MPHOSPH8: variants seen among roughly 807,000 people sequenced by gnomAD.
MPHOSPH8 encodes the protein M-phase phosphoprotein, mpp.
In MPHOSPH8, 45 loss-of-function variants were observed where a neutral mutation model predicts 87.3. The ratio of observed to expected loss-of-function variants is 0.52; its 90% CI spans 0.41 to 0.66. MPHOSPH8 has a LOEUF of 0.66. MPHOSPH8 is among the 30% of genes least tolerant of loss of function. MPHOSPH8 has a pLI of 0.00. For missense variants in MPHOSPH8, 883 were observed against 1,020.2 expected (o/e 0.87, Z 1.83); for synonymous variants, 366 against 376.9 (o/e 0.97, Z 0.33).
At chr13:19,635,051 GTAAT>G (rs1370714005) in intron 1 of MPHOSPH8, among the ~76,000 whole-genome samples, 2 of 152,192 alleles carry the variant, frequency 1.3e-5, no homozygotes, top group African/African-American at 2.4e-5. Flanking sequence ...GAGGAGTTAA[GTAAT>G]TAAGAGCTGA....
At chr13:19,663,918 A>C (rs986648589) in intron 9 of MPHOSPH8, among the ~76,000 whole-genome samples, 1 of 152,184 alleles carries the variant, frequency 6.6e-6, no homozygotes, top group Non-Finnish European at 1.5e-5. Context: ...CTGGGTCTGC[A>C]GGGCACCTGG....
chr13:19,642,811 T>TA (rs1874370024), intron 2 of MPHOSPH8, among the ~76,000 whole-genome samples: 1 of 152,228 alleles, frequency 6.6e-6, no homozygotes. Flanking sequence ...CTATGTTTTT[T>TA]AAAATACCTA....
At chr13:19,671,463 A>C (rs979866036) in intron 13 of MPHOSPH8, among the ~76,000 whole-genome samples, 174 bp downstream of exon 13, 3 of 151,702 alleles carry the variant, frequency 2.0e-5, no homozygotes, top group Non-Finnish European at 4.4e-5. Flanking sequence ...TGTTAGACAT[A>C]ATAATGCGGC....
In MPHOSPH8 at chr13:19,671,836, T is replaced by A. The variant is rs1288821351; in HGVS notation, c.2544T>A (p.Val848=). ...IRLTEAPSAK[V]KLLIGAYRVQ... ...CCTGCGTTCTTTTCTTTCAACAGGT[T>A]AAGTTGCTAATAGGTGCATACAGAG... Residue 848 remains valine (V), a splice_region_variant and synonymous_variant, in exon 14 of 14, where the codon GTT becomes GTA. Transcript: ENST00000361479. 1.2e-6 allele frequency: 2 copies of A among 1,614,148 alleles called. No individual in the cohort carries two copies.
chr13:19,633,988 CTGGGCGGGGA>C, intron 1 of MPHOSPH8, 27 bp downstream of exon 1: 1 of 1,591,028 alleles, frequency 6.3e-7, no homozygotes, highest in Non-Finnish European at 8.6e-7. Flanking sequence ...CGGCGCGGGG[CTGGGCGGGGA>C]GCTCCGGGCC....
In MPHOSPH8 at chr13:19,633,711, G is replaced by A. The variant is rs1566106962; in HGVS notation, c.-38G>A. 3 of 1,555,862 alleles carry A rather than the reference G, an allele frequency of 1.9e-6. No individual in the cohort carries two copies. Among genetic ancestry groups the A allele is most frequent in the South Asian group, 2.4e-5 (2 of 84,596 alleles). On this transcript the variant is annotated 5_prime_UTR_variant, in exon 1 of 14. Coordinates refer to ENST00000361479, the MANE Select transcript of MPHOSPH8 (RefSeq NM_017520.4). ...GCGAGGGGCTGCTGGGGTGTTTGTC[G>A]CAGCGGGTTTTCCTCGGCGGTTTGC...
At chr13:19,634,051 A>C (rs1355184561) in intron 1 of MPHOSPH8, 90 bp downstream of exon 1, 1 of 1,318,188 alleles carries the variant, frequency 7.6e-7, no homozygotes, top group Non-Finnish European at 1.1e-6. Flanking sequence ...GGCAGACCCA[A>C]AACAGGAGCG....
At chr13:19,634,636 C>CT (rs1411346783) in intron 1 of MPHOSPH8, among the ~76,000 whole-genome samples, 2 of 152,042 alleles carry the variant, frequency 1.3e-5, no homozygotes, top group Non-Finnish European at 2.9e-5. Context: ...TCTGGGAAAG[C>CT]TTTTTTTGAC....
intron 11 of MPHOSPH8, among the ~76,000 whole-genome samples, chr13:19,668,987 C>T (rs561212964): frequency 1.3e-5 from 2 of 152,268 alleles, no homozygotes; most frequent in South Asian, 4.1e-4. Flanking sequence ...CCTCTCTACA[C>T]GTGGCGCCAG....
At chr13:19,644,090 GT>G (rs1441527095) in intron 2 of MPHOSPH8, among the ~76,000 whole-genome samples, 1 of 152,118 alleles carries the variant, frequency 6.6e-6, no homozygotes, top group Non-Finnish European at 1.5e-5. Context: ...TATATGCACT[GT>G]TTAATGTTCA....
At position 19,668,525 on chromosome 13, in the gene MPHOSPH8, C is replaced by G. The variant is rs369382546; in HGVS notation, c.2323C>G (p.Pro775Ala). The change falls in exon 11 of 14, where the codon CCA becomes GCA. Residue 775 changes from proline (P) to alanine (A), a missense_variant. By Grantham distance (27) the Pro-to-Ala change is conservative. Transcript: ENST00000361479. ...CAATTACAAACCCCCACAGAACATA[C>G]CAGAAGGTAAGCCGATGCCTCCCTT... ...DFNYKPPQNIPEGSGILLFIF... is the reference protein window; with the variant it reads ...DFNYKPPQNIAEGSGILLFIF... The G allele has an allele frequency of 1.1e-5, 18 of 1,612,940 alleles. No individual in the cohort carries two copies. Among genetic ancestry groups the G allele is most frequent in the Non-Finnish European group, 1.4e-5 (17 of 1,179,656 alleles).
intron 3 of MPHOSPH8, among the ~76,000 whole-genome samples, chr13:19,647,713 G>A (rs577225786): frequency 6.6e-6 from 1 of 152,184 alleles, no homozygotes; most frequent in Non-Finnish European, 1.5e-5. Context: ...GTATTTAATA[G>A]GGAATTTGTC....
At chr13:19,637,883 C>T (rs1046024121) in intron 1 of MPHOSPH8, among the ~76,000 whole-genome samples, 1 of 151,766 alleles carries the variant, frequency 6.6e-6, no homozygotes, top group Non-Finnish European at 1.5e-5. Flanking sequence ...AGGCGGATCA[C>T]GAAGTCAAGA....
At chr13:19,654,189 C>T (rs1045010307) in intron 5 of MPHOSPH8, among the ~76,000 whole-genome samples, 3 of 152,212 alleles carry the variant, frequency 2.0e-5, no homozygotes, top group African/African-American at 7.2e-5. Flanking sequence ...GGAAGCCTGT[C>T]AGACTAACAT....
Position 19,646,509 on chromosome 13 carries a change from G to A in MPHOSPH8, c.436G>A (p.Glu146Lys). Residue 146 changes from glutamate to lysine, a missense_variant, in exon 3 of 14, where the codon GAA (glutamate) becomes AAA (lysine). Glu to Lys is a moderately conservative substitution (Grantham distance 56). This residue lies in a region of MPHOSPH8 where 741 missense variants were observed against 841.5 expected (regional missense o/e 0.88). Coordinates refer to ENST00000361479, the MANE Select transcript of MPHOSPH8 (RefSeq NM_017520.4). ...SDSDQQSETK[E>K]DTSPKKKKKK... ...TAGCGATCAGCAAAGTGAGACAAAA[G>A]AAGATACTTCCCCAAAGAAGAAAAA... 1 of 1,569,886 alleles carries A rather than the reference G, an allele frequency of 6.4e-7. No homozygotes were observed. Among genetic ancestry groups the A allele is most frequent in the Non-Finnish European group, 8.6e-7 (1 of 1,168,900 alleles).
intron 5 of MPHOSPH8, among the ~76,000 whole-genome samples, chr13:19,656,576 A>G (rs1285399016): frequency 6.6e-6 from 1 of 152,102 alleles, no homozygotes; most frequent in African/African-American, 2.4e-5. Context: ...CCTGGCCAAC[A>G]TGGTGAAACC....
intron 11 of MPHOSPH8, 88 bp from the exon 12 acceptor site, chr13:19,670,148 C>T: frequency 1.3e-6 from 2 of 1,510,110 alleles, no homozygotes; most frequent in Non-Finnish European, 1.8e-6. Flanking sequence ...AGGCCCAGCT[C>T]AGGGGCCTGC....
intron 5 of MPHOSPH8, among the ~76,000 whole-genome samples, chr13:19,654,134 AAAT>A (rs1875019039): frequency 6.6e-6 from 1 of 152,230 alleles, no homozygotes. Context: ...ATGAGGGAAA[AAAT>A]GTTAAGGGCA....
chr13:19,668,866 A>C (rs1875965197), intron 11 of MPHOSPH8, among the ~76,000 whole-genome samples: 1 of 152,162 alleles, frequency 6.6e-6, no homozygotes, highest in Non-Finnish European at 1.5e-5. Context: ...CCTTTGAAAA[A>C]GAAAAAAATA....
Sources: allele counts gnomAD v4.1 joint callset (sites outside exome capture counted in the v4.1 genomes callset), GRCh38; gene constraint gnomAD v4.1.1; regional missense constraint gnomAD v4.1.1; transcripts MANE v1.5; gene names NCBI Gene and HGNC (gene_info 2026-07-23, HGNC 2026-07-21).